PXDNL: variants seen among roughly 807,000 people sequenced by gnomAD.
PXDNL encodes peroxidasin like.
Under a neutral mutation model 150.8 loss-of-function variants are expected in PXDNL, and 145 were observed. The ratio of observed to expected loss-of-function variants is 0.96; its 90% CI spans 0.84 to 1.10. PXDNL has a LOEUF of 1.10. PXDNL is among the 50% of genes least tolerant of loss of function. The pLI, the probability that PXDNL is intolerant of heterozygous loss-of-function variation, is 0.00. For synonymous variants in PXDNL, 757 were observed against 725.7 expected (o/e 1.04, Z -0.69); for missense variants, 2,087 against 1,873.9 (o/e 1.11, Z -2.10).
chr8:51,360,478 T>A (rs2915486), intron 19 of PXDNL, among the ~76,000 whole-genome samples: 1 of 152,044 alleles, frequency 6.6e-6, no homozygotes, highest in Non-Finnish European at 1.5e-5. Context: ...CATGTACATG[T>A]TTATGCATAC....
rs772930795 is a variant in PXDNL, at chr8:51,475,062, C to G, written c.604G>C (p.Gly202Arg). 6.2e-7 allele frequency: 1 copy of G among 1,613,670 alleles called. No individual in the cohort carries two copies. Among genetic ancestry groups the G allele is most frequent in the Admixed American group, 1.7e-5 (1 of 59,992 alleles). The change falls in exon 7 of 23, where the codon GGC becomes CGC. Residue 202 changes from glycine (G) to arginine (R), a missense_variant. Transcript: ENST00000356297. ...GELLQGFAQH[G>R]HTQAAATCEY... ...CAGGTAGCCGCAGCCTGGGTGTGGC[C>G]GTGTTGGGCAAAGCCTTGTAAAAGC... is the stretch of plus-strand genomic sequence containing the variant.
intron 1 of PXDNL, among the ~76,000 whole-genome samples, chr8:51,718,158 G>C (rs1816655302): frequency 6.6e-6 from 1 of 152,150 alleles, no homozygotes. Flanking sequence ...CAAGTACACA[G>C]GAAGGAAAGC....
At chr8:51,370,897 A>G (rs1807088271) in intron 19 of PXDNL, among the ~76,000 whole-genome samples, 1 of 152,206 alleles carries the variant, frequency 6.6e-6, no homozygotes, top group East Asian at 1.9e-4. Context: ...GCACCCGGCC[A>G]GTGTTCTATC....
intron 2 of PXDNL, among the ~76,000 whole-genome samples, chr8:51,599,454 T>G (rs1813645720): frequency 6.6e-6 from 1 of 151,556 alleles, no homozygotes; most frequent in Admixed American, 6.6e-5. Context: ...ATTTTTTGAT[T>G]TCTGATTCAT....
intron 17 of PXDNL, among the ~76,000 whole-genome samples, chr8:51,376,594 C>G (rs944645545): frequency 6.6e-6 from 1 of 152,022 alleles, no homozygotes; most frequent in South Asian, 2.1e-4. Context: ...ATGCATTTCA[C>G]GAAACGAATT....
At chr8:51,540,672 A>G (rs780271372) in intron 4 of PXDNL, among the ~76,000 whole-genome samples, 4 of 152,286 alleles carry the variant, frequency 2.6e-5, no homozygotes, top group Middle Eastern at 3.4e-3. Context: ...TGGTTGAAAA[A>G]GTTGTGTATT....
chr8:51,747,609 G>A (rs2036999157), intron 1 of PXDNL, among the ~76,000 whole-genome samples: 2 of 152,180 alleles, frequency 1.3e-5, no homozygotes, highest in East Asian at 1.9e-4. Context: ...GTTTTGGATA[G>A]CAATTGAACC....
At chr8:51,431,372 T>C (rs1809242416) in intron 12 of PXDNL, among the ~76,000 whole-genome samples, 1 of 152,214 alleles carries the variant, frequency 6.6e-6, no homozygotes, top group African/African-American at 2.4e-5. Context: ...TATTGGTTTC[T>C]TCGAAAACAA....
chr8:51,538,240 A>G (rs190899086), intron 4 of PXDNL, among the ~76,000 whole-genome samples: 1 of 152,332 alleles, frequency 6.6e-6, no homozygotes, highest in East Asian at 1.9e-4. Flanking sequence ...TGATTTTTCC[A>G]AACAATTTAG....
At chr8:51,613,683 A>G (rs1308855240) in intron 2 of PXDNL, among the ~76,000 whole-genome samples, 2 of 151,880 alleles carry the variant, frequency 1.3e-5, no homozygotes, top group African/African-American at 2.4e-5. Flanking sequence ...GGTTGTCTCT[A>G]TTTTTCTCCA....
intron 1 of PXDNL, among the ~76,000 whole-genome samples, chr8:51,682,621 C>A (rs758358364): frequency 6.6e-6 from 1 of 152,208 alleles, no homozygotes; most frequent in Non-Finnish European, 1.5e-5. Flanking sequence ...TCTTCAGCTG[C>A]AGTCAAGCTT....
intron 5 of PXDNL, among the ~76,000 whole-genome samples, chr8:51,493,765 G>T (rs1810961534): frequency 6.6e-6 from 1 of 152,202 alleles, no homozygotes; most frequent in African/African-American, 2.4e-5. Context: ...AAGCCTCCAA[G>T]AAATATGGGA....
intron 1 of PXDNL, among the ~76,000 whole-genome samples, chr8:51,735,537 T>TGG (rs1563304283): frequency 9.4e-5 from 1 of 10,690 alleles, no homozygotes; most frequent in Non-Finnish European, 5.7e-4. Flanking sequence ...TTTTTTTTTT[T>TGG]TTTTTTTTTT....
chr8:51,434,797 G>T (rs1478481190), intron 12 of PXDNL, among the ~76,000 whole-genome samples: 1 of 152,158 alleles, frequency 6.6e-6, no homozygotes, highest in Non-Finnish European at 1.5e-5. Flanking sequence ...ATGACAGAAT[G>T]TAACACAGAT....
intron 2 of PXDNL, among the ~76,000 whole-genome samples, chr8:51,608,785 C>A (rs1292324198): frequency 7.8e-6 from 1 of 128,718 alleles, no homozygotes; most frequent in Non-Finnish European, 1.5e-5. Context: ...TGCAGTGAGC[C>A]GAGATTGCGC....
At chr8:51,644,324 A>AT (rs1294331655) in intron 2 of PXDNL, among the ~76,000 whole-genome samples, 1 of 46,012 alleles carries the variant, frequency 2.2e-5, no homozygotes, top group African/African-American at 4.8e-5. Flanking sequence ...ATTTTTACAT[A>AT]TATATATATA....
At chr8:51,716,255 C>T (rs1585696570) in intron 1 of PXDNL, among the ~76,000 whole-genome samples, 1 of 152,230 alleles carries the variant, frequency 6.6e-6, no homozygotes, top group South Asian at 2.1e-4. Context: ...AAGCAATACC[C>T]TTTCGGTAGA....
At chr8:51,623,821 G>C (rs781098509) in intron 2 of PXDNL, among the ~76,000 whole-genome samples, 1 of 152,132 alleles carries the variant, frequency 6.6e-6, no homozygotes. Flanking sequence ...CAGGCATGGT[G>C]GGTGACTCAC....
chr8:51,756,584 A>G (rs903051733), intron 1 of PXDNL, among the ~76,000 whole-genome samples: 1 of 152,170 alleles, frequency 6.6e-6, no homozygotes, highest in Non-Finnish European at 1.5e-5. Flanking sequence ...TTATTTGTAC[A>G]GGAAGCTTCA....
Sources: gnomAD v4.1 joint callset for allele counts (sites outside exome capture counted in the v4.1 genomes callset) on GRCh38, gnomAD v4.1.1 for gene constraint, MANE v1.5 for transcripts, NCBI Gene and HGNC (gene_info 2026-07-23, HGNC 2026-07-21) for gene names.